Variants in DHX36 observed in about 807,000 individuals in gnomAD.
DHX36 encodes the protein DEAH-box helicase 36, also known as ATP-dependent DNA/RNA helicase DHX36.
Under a neutral mutation model 139.0 loss-of-function variants are expected in DHX36, and 50 were observed. The observed-to-expected ratio is 0.36, with a 90% CI of 0.29 to 0.46. The LOEUF (loss-of-function observed/expected upper bound fraction) is 0.46. Among genes scored for constraint, DHX36 ranks in the 20% least tolerant of loss-of-function variants. The probability of loss-of-function intolerance (pLI) is 1.00; values close to 1 mark genes in which losing one functional copy is unlikely to be tolerated. For missense variants in DHX36, 1,024 were observed against 1,211.3 expected (o/e 0.85, Z 2.29); for synonymous variants, 425 against 401.9 (o/e 1.06, Z -0.69).
intron 3 of DHX36, among the ~76,000 whole-genome samples, chr3:154,312,730 T>G (rs557553079): frequency 2.0e-5 from 3 of 150,210 alleles, no homozygotes; most frequent in African/African-American, 7.3e-5. Flanking sequence ...TAGTCCCAGC[T>G]ACTTGGGAGG....
chr3:154,318,744 C>T (rs764798852), intron 1 of DHX36, among the ~76,000 whole-genome samples: 29 of 152,184 alleles, frequency 1.9e-4, no homozygotes, highest in Non-Finnish European at 4.0e-4. Context: ...GTGGGTAGAT[C>T]TTTCTGCAAG....
At chr3:154,310,432 T>C (rs9840163) in intron 4 of DHX36, among the ~76,000 whole-genome samples, 42,529 of 151,802 alleles carry the variant, frequency 0.28, 6,716 homozygotes, top group South Asian at 0.41. Context: ...CTCAAAGGGA[T>C]GTTAGGGGTT....
At chr3:154,303,055 C>A (rs148268480) in intron 9 of DHX36, among the ~76,000 whole-genome samples, 1 of 151,962 alleles carries the variant, frequency 6.6e-6, no homozygotes. Flanking sequence ...CTAGGCTAGG[C>A]GACAGAGAGA....
intron 9 of DHX36, among the ~76,000 whole-genome samples, chr3:154,302,003 A>G (rs1011942395): frequency 6.6e-6 from 1 of 151,656 alleles, no homozygotes; most frequent in Admixed American, 6.6e-5. Flanking sequence ...TCTGGCCTTT[A>G]GTTATCTTAT....
At chr3:154,314,687 A>T (rs1712895232) in intron 3 of DHX36, 1 of 163,980 alleles carries the variant, frequency 6.1e-6, no homozygotes, top group African/African-American at 2.4e-5. Flanking sequence ...TATAAAAAGA[A>T]GATGTATTAA....
intron 1 of DHX36, among the ~76,000 whole-genome samples, chr3:154,319,787 C>T (rs1713121474): frequency 6.6e-6 from 1 of 151,726 alleles, no homozygotes; most frequent in Admixed American, 6.6e-5. Context: ...CATAATTTGG[C>T]CCACTTTGAT....
At position 154,312,885 on chromosome 3, in the gene DHX36, ATATATATATATATAT is replaced by A. The variant is rs1559958777; in HGVS notation, c.604-1226_604-1212del. Among the ~76,000 whole-genome samples the A allele has an allele frequency of 1.6e-3, 182 of 115,438 alleles. 7 individuals carry two copies. Among genetic ancestry groups the A allele is most frequent in the African/African-American group, 5.3e-3 (144 of 27,208 alleles). The allele number at this position is 115,438 out of a possible 152,430, so 75.7% of individuals were successfully genotyped here. On this transcript the variant is annotated intron_variant, in intron 3 of 24. Coordinates refer to ENST00000496811, the MANE Select transcript of DHX36 (RefSeq NM_020865.3). ...TATATATATATATATATATATATATATATATATATATATATAAAATAAATAAAGAACTGTCTTTGG... is the reference window on the plus strand; with the variant it reads ...TATATATATATATATATATATATATAAAAATAAATAAAGAACTGTCTTTGG...
At chr3:154,286,672 T>C (rs576154410) in intron 17 of DHX36, among the ~76,000 whole-genome samples, 75 of 152,118 alleles carry the variant, frequency 4.9e-4, no homozygotes, top group Middle Eastern at 3.4e-3. Flanking sequence ...TTGCTAAGAC[T>C]CAATACTGTA....
chr3:154,304,925 C>T lies in DHX36; in HGVS notation c.1016G>A (p.Arg339Lys), dbSNP rs1712442304. The T allele has an allele frequency of 6.2e-7, 1 of 1,611,162 alleles. No individual in the cohort carries two copies. The highest frequency in any genetic ancestry group is 1.1e-5 in the South Asian group (1 of 90,204). Residue 339 changes from arginine (R) to lysine (K), a missense_variant, in exon 8 of 25, where the codon AGA becomes AAA. Coordinates refer to ENST00000496811, the MANE Select transcript of DHX36 (RefSeq NM_020865.3). ...CATTAAAACATCTGACTGCAGATTT[C>T]TTTCATGGATTTCATCAAGTACGAT... Reference protein sequence around the residue: ...SHIVLDEIHERNLQSDVLMTV... With the variant: ...SHIVLDEIHEKNLQSDVLMTV...
chr3:154,314,101 A>G lies in DHX36; in HGVS notation c.603+945T>C, dbSNP rs543222471. 3.3e-5 allele frequency among the ~76,000 whole-genome samples: 5 copies of G among 152,284 alleles called. No homozygotes were observed. In the South Asian group the frequency reaches 1.0e-3, roughly 32 times the overall value. On this transcript the variant is annotated intron_variant, in intron 3 of 24. Transcript: ENST00000496811. Reference sequence around the variant, plus strand: ...CATATACAGCAAAGAGAAAGACACTAATTCCTCCTGTTAAGGCTGTTAAAG... The same window carrying G: ...CATATACAGCAAAGAGAAAGACACTGATTCCTCCTGTTAAGGCTGTTAAAG...
chr3:154,281,995 G>A (rs1257102632), intron 20 of DHX36, among the ~76,000 whole-genome samples: 1 of 152,010 alleles, frequency 6.6e-6, no homozygotes, highest in Non-Finnish European at 1.5e-5. Flanking sequence ...AGAGCTCAGG[G>A]GTACAGTATT....
At chr3:154,298,005 T>C (rs9875442) in intron 12 of DHX36, among the ~76,000 whole-genome samples, 38,851 of 152,056 alleles carry the variant, frequency 0.26, 6,275 homozygotes, top group South Asian at 0.41. Context: ...AGTGGTTAAC[T>C]ATACAACTGA....
rs1219544180 is a variant in DHX36 at position 154,304,877 on chromosome 3, T to C, written c.1064A>G (p.Asn355Ser). The change falls in exon 8 of 25, where the codon AAT becomes AGT. Residue 355 changes from asparagine to serine, a missense_variant. Physicochemically the swap from Asn to Ser is conservative, Grantham distance 46. Around this residue, in one of 4 missense-constraint regions of DHX36, gnomAD observed 146 missense variants for 215.0 expected, o/e 0.68. Transcript: ENST00000496811. ...VLMTVVKDLL[N>S]FRSDLKVILM... ...TATTACTTTCAAGTCAGATCGAAAA[T>C]TGAGAAGGTCTTTAACAACAGTCAT... 19 of 1,610,098 alleles carry C rather than the reference T, an allele frequency of 1.2e-5. No homozygotes were observed. Among genetic ancestry groups the C allele is most frequent in the East Asian group, 1.1e-4 (5 of 44,764 alleles).
rs151135113 is a variant in DHX36 at position 154,304,871 on chromosome 3, C to T, written c.1070G>A (p.Arg357Gln). Reference protein sequence around the residue: ...MTVVKDLLNFRSDLKVILMSA... With the variant: ...MTVVKDLLNFQSDLKVILMSA... Reference sequence around the variant, plus strand: ...CATCAATATTACTTTCAAGTCAGATCGAAAATTGAGAAGGTCTTTAACAAC... The same window carrying T: ...CATCAATATTACTTTCAAGTCAGATTGAAAATTGAGAAGGTCTTTAACAAC... The change falls in exon 8 of 25, where the codon CGA becomes CAA. Residue 357 changes from arginine to glutamine, a missense_variant. This residue lies in a region of DHX36 where 146 missense variants were observed against 215.0 expected (regional missense o/e 0.68). Transcript: ENST00000496811. The T allele has an allele frequency of 1.1e-5, 17 of 1,608,764 alleles. No individual in the cohort carries two copies. Among genetic ancestry groups the T allele is most frequent in the Admixed American group, 6.8e-5 (4 of 58,768 alleles).
At chr3:154,314,335 G>C (rs1712880419) in intron 3 of DHX36, among the ~76,000 whole-genome samples, 1 of 152,178 alleles carries the variant, frequency 6.6e-6, no homozygotes, top group East Asian at 1.9e-4. Context: ...GCTTTCATCA[G>C]TGAGCCAAGG....
intron 1 of DHX36, among the ~76,000 whole-genome samples, chr3:154,322,010 CAAT>C (rs1713206433): frequency 1.3e-5 from 2 of 150,380 alleles, no homozygotes; most frequent in South Asian, 4.2e-4. Flanking sequence ...GACTGGGAAA[CAAT>C]GATATCAAGC....
At chr3:154,305,579 G>T (rs1052301731) in intron 6 of DHX36, among the ~76,000 whole-genome samples, 1 of 152,102 alleles carries the variant, frequency 6.6e-6, no homozygotes, top group African/African-American at 2.4e-5. Context: ...AGACCAGCCT[G>T]GGCAACACAG....
At chr3:154,316,243 A>T in intron 1 of DHX36, 80 bp from the exon 2 acceptor site, 1 of 1,556,400 alleles carries the variant, frequency 6.4e-7, no homozygotes, top group Non-Finnish European at 8.8e-7. Flanking sequence ...AAGAAAATAA[A>T]GGCTAAGTAA....
At position 154,311,417 on chromosome 3, in the gene DHX36, A is replaced by G. The variant is rs556900720; in HGVS notation, c.642+219T>C. On this transcript the variant is annotated intron_variant, in intron 4 of 24. Coordinates refer to ENST00000496811, the MANE Select transcript of DHX36 (RefSeq NM_020865.3). ...GGAAATTTTACTTTTTAAATTTCAA[A>G]GATTTCAATTATGGACAAAAACAGG... 3.9e-5 allele frequency among the ~76,000 whole-genome samples: 6 copies of G among 152,268 alleles called. No homozygotes were observed. In the South Asian group the frequency reaches 1.0e-3, roughly 26 times the overall value.
Sources: allele counts gnomAD v4.1 joint callset (sites outside exome capture counted in the v4.1 genomes callset), GRCh38; gene constraint gnomAD v4.1.1; regional missense constraint gnomAD v4.1.1; transcripts MANE v1.5; gene names NCBI Gene and HGNC (gene_info 2026-07-23, HGNC 2026-07-21).